Variants in NT5DC1 observed in about 807,000 individuals in gnomAD.
NT5DC1 encodes the protein 5'-nucleotidase domain containing 1, also known as 5'-nucleotidase domain-containing protein 1.
Under a neutral mutation model 59.4 loss-of-function variants are expected in NT5DC1, and 42 were observed. The observed-to-expected ratio is 0.71, with a 90% CI of 0.55 to 0.92. The LOEUF (loss-of-function observed/expected upper bound fraction) is 0.92, where lower values mean the gene tolerates loss of function less well. NT5DC1 is among the 40% of genes least tolerant of loss of function. NT5DC1 has a pLI of 0.00. For missense variants in NT5DC1, 501 were observed against 537.1 expected (o/e 0.93, Z 0.66); for synonymous variants, 172 against 188.1 (o/e 0.91, Z 0.70).
At chr6:116,199,063 A>G (rs1216430355) in intron 6 of NT5DC1, among the ~76,000 whole-genome samples, 1 of 151,992 alleles carries the variant, frequency 6.6e-6, no homozygotes, top group Non-Finnish European at 1.5e-5. Flanking sequence ...TATCCACTAG[A>G]TGGTAGTAGC....
chr6:116,176,374 G>T (rs568922293), intron 6 of NT5DC1, among the ~76,000 whole-genome samples: 1 of 152,164 alleles, frequency 6.6e-6, no homozygotes, highest in Non-Finnish European at 1.5e-5. Flanking sequence ...GGGCCTGGAG[G>T]CAGGGTATAG....
At chr6:116,238,495 A>C in intron 10 of NT5DC1, 147 bp downstream of exon 10, 2 of 430,336 alleles carry the variant, frequency 4.6e-6, no homozygotes, top group Non-Finnish European at 3.9e-6. Context: ...GAGACTAATA[A>C]TTTGAAACTT....
intron 6 of NT5DC1, among the ~76,000 whole-genome samples, chr6:116,214,507 C>A (rs1781652523): frequency 6.6e-6 from 1 of 152,048 alleles, no homozygotes; most frequent in African/African-American, 2.4e-5. Flanking sequence ...TAGGGGTATT[C>A]TACTGAAGTA....
chr6:116,121,795 TTTCCCTACAGCTGATGGTCC>T (rs758033215), intron 6 of NT5DC1: 19 of 1,613,842 alleles, frequency 1.2e-5, no homozygotes, highest in Non-Finnish European at 1.6e-5. Flanking sequence ...GCACACCTGG[TTTCCCTACAGCTGATGGTCC>T]CGGTGGTCCT....
chr6:116,115,795 A>G, intron 5 of NT5DC1, 25 bp downstream of exon 5: 1 of 1,167,272 alleles, frequency 8.6e-7, no homozygotes, highest in Non-Finnish European at 1.3e-6. Context: ...ATTTTTTAAA[A>G]CTATGATATG....
chr6:116,230,471 C>T (rs1214026085), intron 8 of NT5DC1, among the ~76,000 whole-genome samples: 1 of 152,210 alleles, frequency 6.6e-6, no homozygotes, highest in African/African-American at 2.4e-5. Flanking sequence ...GTTTCTCAGA[C>T]TTTCATGTAC....
Position 116,238,255 on chromosome 6 carries a change from A to G in NT5DC1, c.990A>G (p.Thr330=), listed in dbSNP as rs749145432. The G allele has an allele frequency of 6.2e-7, 1 of 1,612,604 alleles. No homozygotes were observed. The highest frequency in any genetic ancestry group is 1.1e-5 in the South Asian group (1 of 90,974). Residue 330 remains threonine (T), a synonymous_variant, in exon 10 of 12, where the codon ACA becomes ACG. Transcript: ENST00000319550. ...CTCGTCACTATAGTAATTGGGAGAC[A>G]GTCCTCATCCTGGAAGAACTCAGAG... ...FPARHYSNWE[T]VLILEELRGD...
rs1053045598 is a variant in NT5DC1 at position 116,245,501 on chromosome 6, A to G, written c.*1477A>G. On this transcript the variant is annotated 3_prime_UTR_variant, in exon 12 of 12. Transcript: ENST00000319550. ...AAAAAATCACTGAAATTTTTCCCTC[A>G]CAGTCAGTAGCTTTGTTTGATATTT... is the stretch of plus-strand genomic sequence containing the variant. 2 of 152,538 alleles carry G rather than the reference A, an allele frequency of 1.3e-5. No homozygotes were observed. The highest frequency in any genetic ancestry group is 1.3e-4 in the Admixed American group (2 of 15,268). The allele number at this position is 152,538 out of a possible 1,614,324, so 9.4% of individuals were successfully genotyped here.
In NT5DC1 at chr6:116,120,752, C is replaced by A. The variant is rs146784716; in HGVS notation, c.529+2807C>A. 393 of 1,604,968 alleles carry A rather than the reference C, an allele frequency of 2.4e-4. No homozygotes were observed. The highest frequency in any genetic ancestry group is 1.6e-4 in the Non-Finnish European group (186 of 1,176,548). On this transcript the variant is annotated intron_variant, in intron 6 of 11. Transcript: ENST00000319550. ...AGGGAATCCTGGAATGCCTGGTGGC[C>A]CAATAGGGCCTCTAGTACCTGGTAT...
In NT5DC1 at chr6:116,106,304, C is replaced by T; in HGVS notation, c.154C>T (p.Leu52Phe). 6.4e-7 allele frequency: 1 copy of T among 1,565,360 alleles called. No homozygotes were observed. The highest frequency in any genetic ancestry group is 8.8e-7 in the Non-Finnish European group (1 of 1,137,540). The change falls in exon 2 of 12, where the codon CTC becomes TTC. Residue 52 changes from leucine (L) to phenylalanine (F), a missense_variant. Coordinates refer to ENST00000319550, the MANE Select transcript of NT5DC1 (RefSeq NM_152729.3). ...GGAGAAAGGGTACGATAAGGAATTG[C>T]TCAATGTGACCCCAGAGGATTGGGA... is the stretch of plus-strand genomic sequence containing the variant. Reference protein sequence around the residue: ...VKEKGYDKELLNVTPEDWDFC... With the variant: ...VKEKGYDKELFNVTPEDWDFC...
intron 6 of NT5DC1, among the ~76,000 whole-genome samples, chr6:116,143,758 G>A (rs944851395): frequency 4.6e-5 from 7 of 152,102 alleles, no homozygotes; most frequent in Admixed American, 3.3e-4. Context: ...TAGGAAGTAA[G>A]TTATTCAGTC....
intron 8 of NT5DC1, among the ~76,000 whole-genome samples, chr6:116,224,224 T>C (rs1384724337): frequency 6.6e-6 from 1 of 152,232 alleles, no homozygotes; most frequent in Non-Finnish European, 1.5e-5. Context: ...TTTAATATGG[T>C]AATACAGTAT....
intron 6 of NT5DC1, among the ~76,000 whole-genome samples, chr6:116,135,834 GATATAT>G (rs199827970): frequency 0.08 from 8,162 of 102,282 alleles, 471 homozygotes; most frequent in Admixed American, 0.18. Context: ...TATATTTTCA[GATATAT>G]ATATATATAT....
intron 6 of NT5DC1, among the ~76,000 whole-genome samples, chr6:116,182,082 C>T (rs1780886664): frequency 6.6e-6 from 1 of 152,028 alleles, no homozygotes; most frequent in African/African-American, 2.4e-5. Context: ...TTTGTGTCTT[C>T]ATAGCTTAGA....
At chr6:116,109,725 A>G (rs1014853945) in intron 3 of NT5DC1, among the ~76,000 whole-genome samples, 1 of 152,182 alleles carries the variant, frequency 6.6e-6, no homozygotes. Context: ...TAACCCCTTT[A>G]TAAAAAGGAG....
At chr6:116,118,589 T>C (rs1167434831) in intron 6 of NT5DC1, among the ~76,000 whole-genome samples, 2 of 152,094 alleles carry the variant, frequency 1.3e-5, no homozygotes, top group African/African-American at 4.8e-5. Flanking sequence ...GACAAAAAAA[T>C]TGCTTGCCTT....
At chr6:116,143,650 G>A (rs1420777501) in intron 6 of NT5DC1, among the ~76,000 whole-genome samples, 1 of 151,964 alleles carries the variant, frequency 6.6e-6, no homozygotes, top group Non-Finnish European at 1.5e-5. Flanking sequence ...ATTTTTTATT[G>A]CTGTTAATTT....
chr6:116,182,222 A>AGTGTGTGTGTGTGTGT lies in NT5DC1; in HGVS notation c.530-38815_530-38800dup, dbSNP rs35883565. 2.7e-3 allele frequency among the ~76,000 whole-genome samples: 342 copies of AGTGTGTGTGTGTGTGT among 124,676 alleles called. 3 individuals are homozygous for AGTGTGTGTGTGTGTGT. The highest frequency in any genetic ancestry group is 9.6e-3 in the African/African-American group (330 of 34,374). The allele number at this position is 124,676 out of a possible 152,430, so 81.8% of individuals were successfully genotyped here. A position where few individuals can be genotyped will look rare whatever the true frequency, so the allele number is the denominator to read the frequency against. Reference sequence around the variant, plus strand: ...TATGGCTGAGTAGTATTCCATGGAGAGTGTGTGTGTGTGTGTGTGTGTGTG... The same window carrying AGTGTGTGTGTGTGTGT: ...TATGGCTGAGTAGTATTCCATGGAGAGTGTGTGTGTGTGTGTGTGTGTGTGTGTGTGTGTGTGTGTG... On this transcript the variant is annotated intron_variant, in intron 6 of 11. Transcript: ENST00000319550.
intron 6 of NT5DC1, among the ~76,000 whole-genome samples, chr6:116,148,099 A>G (rs1338940592): frequency 6.6e-6 from 1 of 152,220 alleles, no homozygotes; most frequent in Non-Finnish European, 1.5e-5. Context: ...GGTATACAGC[A>G]TTTGTGTAAG....
Sources: gnomAD v4.1 joint callset for allele counts (sites outside exome capture counted in the v4.1 genomes callset) on GRCh38, gnomAD v4.1.1 for gene constraint, MANE v1.5 for transcripts, NCBI Gene and HGNC (gene_info 2026-07-23, HGNC 2026-07-21) for gene names.